The following SHPRH variants were observed in gnomAD, a reference collection of about 807,000 sequenced individuals.
SHPRH encodes SNF2 histone linker PHD RING helicase.
A neutral mutation model predicts 202.5 loss-of-function variants in SHPRH; 106 were observed. The observed-to-expected ratio is 0.52, with a 90% CI of 0.45 to 0.62. The LOEUF (loss-of-function observed/expected upper bound fraction) is 0.62. Among genes scored for constraint, SHPRH ranks in the 20% least tolerant of loss-of-function variants. The pLI, the probability that SHPRH is intolerant of heterozygous loss-of-function variation, is 0.00. For synonymous variants in SHPRH, 729 were observed against 686.0 expected, an observed-to-expected ratio of 1.06 and a Z score of -0.98; for missense variants, 1,710 against 2,020.0, an observed-to-expected ratio of 0.85 and a Z score of 2.94.
intron 14 of SHPRH, among the ~76,000 whole-genome samples, chr6:145,931,594 C>T (rs1785450776): frequency 6.6e-6 from 1 of 152,084 alleles, no homozygotes; most frequent in Non-Finnish European, 1.5e-5. Context: ...CCTCGGCTTC[C>T]CAAAGTACTG....
Position 145,919,364 on chromosome 6 carries a change from A to G in SHPRH, c.4136T>C (p.Ile1379Thr). Residue 1379 changes from isoleucine to threonine, a missense_variant, in exon 22 of 30, where the codon ATC (isoleucine) becomes ACC (threonine). Physicochemically the swap from Ile to Thr is moderately conservative, Grantham distance 89. Transcript: ENST00000275233. Reference protein sequence around the residue: ...EPKPNPPVLHIIEPHEVEQNR... With the variant: ...EPKPNPPVLHTIEPHEVEQNR... ...GCCAATTACCTCATGTGGTTCAATGATATGAAGAACAGGCGGATTAGGCTT... is the reference window on the plus strand; with the variant it reads ...GCCAATTACCTCATGTGGTTCAATGGTATGAAGAACAGGCGGATTAGGCTT... 6.2e-7 allele frequency: 1 copy of G among 1,613,034 alleles called. No homozygotes were observed. Among genetic ancestry groups the G allele is most frequent in the Non-Finnish European group, 8.5e-7 (1 of 1,179,300 alleles).
Position 145,886,410 on chromosome 6 carries a change from C to T in SHPRH, c.*281G>A, listed in dbSNP as rs527296988. 2.5e-5 allele frequency: 19 copies of T among 761,000 alleles called. No individual in the cohort carries two copies. The East Asian group carries it at 3.9e-4, about 16-fold the overall frequency. 47.1% of individuals were successfully genotyped at this position (761,000 alleles called of 1,614,324 possible). ...CATAAGAAAAGTACACATTACCTCT[C>T]TTAATTCCCTTGCATCATCAGATAT... On this transcript the variant is annotated 3_prime_UTR_variant, in exon 30 of 30. Coordinates refer to ENST00000275233, the MANE Select transcript of SHPRH (RefSeq NM_001042683.3).
At chr6:145,930,117 G>A (rs1197814169) in intron 14 of SHPRH, among the ~76,000 whole-genome samples, 1 of 152,080 alleles carries the variant, frequency 6.6e-6, no homozygotes, top group African/African-American at 2.4e-5. Context: ...TTTCTGCTCA[G>A]CTTCTGAGAA....
At chr6:145,952,838 A>G (rs1788125166) in intron 2 of SHPRH, among the ~76,000 whole-genome samples, 1 of 152,134 alleles carries the variant, frequency 6.6e-6, no homozygotes, top group Non-Finnish European at 1.5e-5. Context: ...CCAGAAGATT[A>G]TGACATACAT....
intron 15 of SHPRH, 61 bp from the exon 16 acceptor site, chr6:145,926,357 T>A (rs1236325556): frequency 1.6e-5 from 21 of 1,331,114 alleles, no homozygotes; most frequent in Non-Finnish European, 2.3e-5. Context: ...GAAGAGAACC[T>A]AATATTAATA....
downstream of SHPRH, among the ~76,000 whole-genome samples, chr6:145,861,735 A>G (rs990635511): frequency 1.3e-5 from 2 of 152,188 alleles, no homozygotes; most frequent in African/African-American, 4.8e-5. Context: ...AACATTATAT[A>G]CATGTATGTA....
rs546383630 is a variant in SHPRH at position 145,929,521 on chromosome 6, T to C, written c.3113-2244A>G. Among the ~76,000 whole-genome samples, 24 of 152,236 alleles carry C rather than the reference T, an allele frequency of 1.6e-4. No individual in the cohort carries two copies. In the East Asian group the frequency reaches 4.4e-3, roughly 28 times the overall value. On this transcript the variant is annotated intron_variant, in intron 14 of 29. Transcript: ENST00000275233. The stretch of plus-strand genomic sequence containing the variant: ...AGAAGAATCTAATTTATGTAAGTTA[T>C]ATATGTAATGTTACTTTAAAAAATG...
At chr6:145,914,804 T>C (rs958456019) in intron 23 of SHPRH, among the ~76,000 whole-genome samples, 1 of 152,164 alleles carries the variant, frequency 6.6e-6, no homozygotes, top group Admixed American at 6.6e-5. Context: ...TACTGATTTC[T>C]GGTTTAAATT....
At chr6:145,927,327 C>T (rs1183353458) in intron 14 of SHPRH, 50 bp from the exon 15 acceptor site, 1 of 1,471,256 alleles carries the variant, frequency 6.8e-7, no homozygotes, top group Admixed American at 1.7e-5. Flanking sequence ...ATATTTAGTT[C>T]CCAATGTCAT....
Position 145,955,089 on chromosome 6 carries a change from G to C in SHPRH, c.234C>G (p.Ser78Arg), listed in dbSNP as rs769559878. The stretch of plus-strand genomic sequence containing the variant: ...CTTCTTTTTCAATTGGTTTTGAGAA[G>C]CTCACCACTTTTGAACACCTCTTCT... Reference protein sequence around the residue: ...RDKKRCSKVVSFSKPIEKEET... With the variant: ...RDKKRCSKVVRFSKPIEKEET... Residue 78 changes from serine to arginine, a missense_variant, in exon 2 of 30, where the codon AGC (serine) becomes AGG (arginine). Coordinates refer to ENST00000275233, the MANE Select transcript of SHPRH (RefSeq NM_001042683.3). 1 of 1,613,278 alleles carries C rather than the reference G, an allele frequency of 6.2e-7. No individual in the cohort carries two copies.
intron 14 of SHPRH, among the ~76,000 whole-genome samples, 170 bp downstream of exon 14, chr6:145,932,887 T>C (rs1385589248): frequency 6.6e-6 from 1 of 152,164 alleles, no homozygotes; most frequent in African/African-American, 2.4e-5. Context: ...AAACGTTCTA[T>C]GAAACTGCTC....
At chr6:145,922,173 A>C (rs1416948952) in intron 20 of SHPRH, 113 bp downstream of exon 20, 2 of 895,136 alleles carry the variant, frequency 2.2e-6, no homozygotes, top group Non-Finnish European at 3.3e-6. Context: ...ATTTAATTAA[A>C]GAAACAATAT....
At chr6:145,874,224 TAATAA>T (rs1780197797) in intron 2 of SHPRH, among the ~76,000 whole-genome samples, 1 of 150,086 alleles carries the variant, frequency 6.7e-6, no homozygotes, top group Non-Finnish European at 1.5e-5. Context: ...ATAATAATAA[TAATAA>T]TAATAATAAT....
At chr6:145,948,435 G>A in intron 4 of SHPRH, 85 bp from the exon 5 acceptor site, 3 of 1,025,436 alleles carry the variant, frequency 2.9e-6, no homozygotes, top group Non-Finnish European at 2.9e-6. Context: ...GGTTAACAGT[G>A]AGGATACTCT....
chr6:145,883,841 G>A (rs1780769294), downstream of SHPRH: 1 of 151,786 alleles, frequency 6.6e-6, no homozygotes, highest in African/African-American at 2.4e-5. Flanking sequence ...TTGTATGCCA[G>A]TTAAAAATTA....
rs945168365 is a variant in SHPRH at position 145,919,622 on chromosome 6, G to T, written c.4009-131C>A. The T allele has an allele frequency of 1.3e-5, 13 of 1,001,378 alleles. No homozygotes were observed. In the African/African-American group the frequency reaches 1.7e-4, roughly 13 times the overall value. The allele number at this position is 1,001,378 out of a possible 1,614,324, so 62.0% of individuals were successfully genotyped here. On this transcript the variant is annotated intron_variant, in intron 21 of 29. Coordinates refer to ENST00000275233, the MANE Select transcript of SHPRH (RefSeq NM_001042683.3). ...TTTTCGCTATGTGTCTAACGTACAA[G>T]TAGTTCCTGGGGTCATTTTTAGGAT...
At chr6:145,915,008 C>T (rs558751062) in intron 23 of SHPRH, among the ~76,000 whole-genome samples, 139 of 151,366 alleles carry the variant, frequency 9.2e-4, no homozygotes, top group Non-Finnish European at 1.4e-3. Context: ...TACGGACTTT[C>T]TTGTCCATTC....
At chr6:145,896,078 CA>C (rs1781989552) in intron 25 of SHPRH, among the ~76,000 whole-genome samples, 1 of 151,928 alleles carries the variant, frequency 6.6e-6, no homozygotes, top group Admixed American at 6.6e-5. Flanking sequence ...CATGAAGAAA[CA>C]TTCAAAGGTA....
chr6:145,901,768 T>G (rs147845181), intron 25 of SHPRH, among the ~76,000 whole-genome samples: 1 of 152,240 alleles, frequency 6.6e-6, no homozygotes, highest in Non-Finnish European at 1.5e-5. Flanking sequence ...TCTTCTGACA[T>G]TACTGTCCCT....
Sources: allele counts gnomAD v4.1 joint callset (sites outside exome capture counted in the v4.1 genomes callset), GRCh38; gene constraint gnomAD v4.1.1; transcripts MANE v1.5; gene names NCBI Gene and HGNC (gene_info 2026-07-23, HGNC 2026-07-21).